CTNNAL1: variants seen among roughly 807,000 people sequenced by gnomAD.
CTNNAL1 encodes alpha-catulin.
In CTNNAL1, 69 loss-of-function variants were observed where a neutral mutation model predicts 93.6. The observed-to-expected ratio is 0.74, with a 90% CI of 0.61 to 0.90. CTNNAL1 has a LOEUF of 0.90. Ranked by LOEUF, CTNNAL1 falls within the 40% of genes least tolerant of loss-of-function variation. The probability of loss-of-function intolerance (pLI) is 0.00; values close to 1 mark genes in which losing one functional copy is unlikely to be tolerated. For missense variants in CTNNAL1, 836 were observed against 862.0 expected (o/e 0.97, Z 0.38); for synonymous variants, 286 against 305.4 (o/e 0.94, Z 0.66).
At chr9:108,970,800 A>C (rs1357325499) in intron 9 of CTNNAL1, among the ~76,000 whole-genome samples, 1 of 151,994 alleles carries the variant, frequency 6.6e-6, no homozygotes, top group Non-Finnish European at 1.5e-5. Flanking sequence ...CACATATTTT[A>C]TATATAAAGA....
At position 108,968,725 on chromosome 9, in the gene CTNNAL1, T is replaced by G. The variant is rs141808646; in HGVS notation, c.1440+1677A>C. ...CTACAGGAGAGCATGAGATCATCCC[T>G]CCAACATCCAACATGATTCTCCTAG... is the stretch of plus-strand genomic sequence containing the variant. On this transcript the variant is annotated intron_variant, in intron 10 of 18. Transcript: ENST00000325551. Among the ~76,000 whole-genome samples, 336 of 152,256 alleles carry G rather than the reference T, an allele frequency of 2.2e-3. 3 individuals carry two copies. Among genetic ancestry groups the G allele is most frequent in the African/African-American group, 7.5e-3 (311 of 41,566 alleles).
chr9:108,985,818 C>T (rs1006776942), intron 4 of CTNNAL1, among the ~76,000 whole-genome samples: 1 of 152,160 alleles, frequency 6.6e-6, no homozygotes, highest in African/African-American at 2.4e-5. Flanking sequence ...CTGACACTTA[C>T]AAGCCACATA....
chr9:108,976,527 A>C (rs1261028230), intron 8 of CTNNAL1, among the ~76,000 whole-genome samples: 1 of 151,764 alleles, frequency 6.6e-6, no homozygotes, highest in Non-Finnish European at 1.5e-5. Flanking sequence ...TCAAAGGAAA[A>C]CTTTTTTTTT....
At chr9:108,991,381 C>T (rs1587979259) in intron 3 of CTNNAL1, among the ~76,000 whole-genome samples, 1 of 152,212 alleles carries the variant, frequency 6.6e-6, no homozygotes, top group Admixed American at 6.5e-5. Flanking sequence ...AATGGGCCAT[C>T]AGGGGTGAAT....
At position 108,974,454 on chromosome 9, in the gene CTNNAL1, T is replaced by G. The variant is rs180951234; in HGVS notation, c.1189-1621A>C. On this transcript the variant is annotated intron_variant, in intron 8 of 18. Transcript: ENST00000325551. ...TGTCTTTCTATGTTTAACAGGATGTTTAAATGGAGATTTCAATAGACATAT... is the reference window on the plus strand; with the variant it reads ...TGTCTTTCTATGTTTAACAGGATGTGTAAATGGAGATTTCAATAGACATAT... Among the ~76,000 whole-genome samples the G allele has an allele frequency of 2.0e-3, 298 of 152,292 alleles. 3 individuals carry two copies. Among genetic ancestry groups the G allele is most frequent in the African/African-American group, 6.6e-3 (273 of 41,556 alleles).
chr9:108,992,859 C>A (rs754944645), intron 2 of CTNNAL1, 40 bp from the exon 3 acceptor site: 4 of 1,562,800 alleles, frequency 2.6e-6, no homozygotes, highest in Non-Finnish European at 3.5e-6. Flanking sequence ...AACAGGCATA[C>A]AAATTAAAAT....
chr9:108,967,035 C>T (rs1341461434), intron 10 of CTNNAL1, among the ~76,000 whole-genome samples: 1 of 152,138 alleles, frequency 6.6e-6, no homozygotes, highest in Non-Finnish European at 1.5e-5. Flanking sequence ...TCCCTTCTAC[C>T]ACTTTCACCT....
At chr9:108,972,864 G>GGGGGCCCCCCCCCCC in intron 8 of CTNNAL1, 31 bp from the exon 9 acceptor site, 60 of 142,180 alleles carry the variant, frequency 4.2e-4, no homozygotes, top group Non-Finnish European at 5.4e-4. Context: ...GGGGGGGTGG[G>GGGGGCCCCCCCCCCC]AGGGTGGAGA....
At chr9:109,000,107 T>A (rs28361105) in intron 1 of CTNNAL1, among the ~76,000 whole-genome samples, 1 of 152,226 alleles carries the variant, frequency 6.6e-6, no homozygotes, top group African/African-American at 2.4e-5. Context: ...GCACTTTATA[T>A]GTATGTTTAG....
intron 1 of CTNNAL1, among the ~76,000 whole-genome samples, chr9:109,000,497 G>A (rs1826764684): frequency 6.6e-6 from 1 of 151,970 alleles, no homozygotes; most frequent in Non-Finnish European, 1.5e-5. Flanking sequence ...CACATAAATA[G>A]GTAAACAAAA....
At chr9:108,945,772 G>A (rs1166942434) in intron 15 of CTNNAL1, among the ~76,000 whole-genome samples, 1 of 152,066 alleles carries the variant, frequency 6.6e-6, no homozygotes, top group Non-Finnish European at 1.5e-5. Context: ...ATTGTGCCCA[G>A]ACTGTTTTTA....
At chr9:108,948,592 G>T (rs1830471801) in intron 14 of CTNNAL1, among the ~76,000 whole-genome samples, 1 of 152,120 alleles carries the variant, frequency 6.6e-6, no homozygotes, top group African/African-American at 2.4e-5. Context: ...ATGGAAAGAG[G>T]ATCAAACCAA....
intron 7 of CTNNAL1, 76 bp downstream of exon 7, chr9:108,979,205 T>C (rs1831349760): frequency 6.5e-7 from 1 of 1,548,752 alleles, no homozygotes; most frequent in East Asian, 2.3e-5. Flanking sequence ...GGTGATTATG[T>C]AACTTCCATA....
chr9:108,967,932 T>C (rs548906941), intron 10 of CTNNAL1, among the ~76,000 whole-genome samples: 27 of 152,304 alleles, frequency 1.8e-4, no homozygotes, highest in South Asian at 1.0e-3. Context: ...TTGAATGAAT[T>C]ACAGGGCCAT....
intron 8 of CTNNAL1, 31 bp from the exon 9 acceptor site, chr9:108,972,864 G>GGGGGGGGGGGGGGGGGGCC: frequency 7.0e-6 from 1 of 142,590 alleles, no homozygotes; most frequent in Non-Finnish European, 1.0e-5. Flanking sequence ...GGGGGGGTGG[G>GGGGGGGGGGGGGGGGGGCC]AGGGTGGAGA....
chr9:108,947,581 C>T (rs912467879), intron 15 of CTNNAL1, among the ~76,000 whole-genome samples: 1 of 152,148 alleles, frequency 6.6e-6, no homozygotes, highest in African/African-American at 2.4e-5. Context: ...AATTTTGCAA[C>T]CCACTTGCCA....
intron 2 of CTNNAL1, among the ~76,000 whole-genome samples, chr9:108,995,787 T>C (rs1263501483): frequency 6.6e-6 from 1 of 152,168 alleles, no homozygotes; most frequent in Non-Finnish European, 1.5e-5. Context: ...ATTGAGCACT[T>C]ACTATGTGTG....
chr9:108,998,295 A>T (rs987850500), intron 2 of CTNNAL1, among the ~76,000 whole-genome samples: 3 of 152,118 alleles, frequency 2.0e-5, no homozygotes, highest in African/African-American at 7.2e-5. Context: ...CACAACAGAG[A>T]AGTATCCAAC....
chr9:109,013,253 CGGGCCGCGGCGGGAAGGAGAAGAG>C, intron 1 of CTNNAL1, 25 bp downstream of exon 1: 1 of 1,428,860 alleles, frequency 7.0e-7, no homozygotes, highest in South Asian at 1.4e-5. Context: ...GCCGCCATCG[CGGGCCGCGGCGGGAAGGAGAAGAG>C]GGGCCGCGCC....
Sources: gnomAD v4.1 joint callset for allele counts (sites outside exome capture counted in the v4.1 genomes callset) on GRCh38, gnomAD v4.1.1 for gene constraint, MANE v1.5 for transcripts, NCBI Gene and HGNC (gene_info 2026-07-23, HGNC 2026-07-21) for gene names.